Variants in TMEM132D observed in about 807,000 individuals in gnomAD.
TMEM132D encodes the protein transmembrane protein 132D, also known as mature OL transmembrane protein.
A neutral mutation model predicts 62.3 loss-of-function variants in TMEM132D; 21 were observed. The observed-to-expected ratio is 0.34, with a 90% confidence interval of 0.24 to 0.49. TMEM132D has a LOEUF of 0.49. Ranked by LOEUF, TMEM132D falls within the 20% of genes least tolerant of loss-of-function variation. TMEM132D has a pLI of 0.99. For synonymous variants in TMEM132D, 621 were observed against 575.6 expected (o/e 1.08, Z -1.13); for missense variants, 1,346 against 1,402.8 (o/e 0.96, Z 0.65).
intron 2 of TMEM132D, among the ~76,000 whole-genome samples, chr12:129,556,620 T>C (rs1593064901): frequency 6.6e-6 from 1 of 152,208 alleles, no homozygotes. Context: ...ACTTGGAGCT[T>C]TTTTATACCT....
rs11610692 is a variant in TMEM132D, at chr12:129,156,676, G to A, written c.1443+52844C>T. 5.7e-3 allele frequency among the ~76,000 whole-genome samples: 866 copies of A among 151,274 alleles called. 4 individuals carry two copies. Among genetic ancestry groups the A allele is most frequent in the Non-Finnish European group, 8.7e-3 (593 of 67,848 alleles). ...CTCCTGTGATACCGAATCCACTCACGAGATAAATAACACTCCCGAGACAAC... is the reference window on the plus strand; with the variant it reads ...CTCCTGTGATACCGAATCCACTCACAAGATAAATAACACTCCCGAGACAAC... On this transcript the variant is annotated intron_variant, in intron 5 of 8. Coordinates refer to ENST00000422113, the MANE Select transcript of TMEM132D (RefSeq NM_133448.3).
intron 4 of TMEM132D, among the ~76,000 whole-genome samples, chr12:129,330,663 T>G (rs1472304640): frequency 6.6e-6 from 1 of 152,212 alleles, no homozygotes; most frequent in Non-Finnish European, 1.5e-5. Context: ...TGCGACACCC[T>G]GCTCTACCTC....
At chr12:129,529,737 C>T (rs1359595917) in intron 3 of TMEM132D, among the ~76,000 whole-genome samples, 1 of 152,200 alleles carries the variant, frequency 6.6e-6, no homozygotes, top group East Asian at 1.9e-4. Flanking sequence ...ATCCATTTGC[C>T]CATCAATCTA....
intron 3 of TMEM132D, among the ~76,000 whole-genome samples, chr12:129,451,093 G>A (rs1294450143): frequency 6.6e-6 from 1 of 152,044 alleles, no homozygotes; most frequent in African/African-American, 2.4e-5. Context: ...GGCCTCCTTG[G>A]GCTCTGGAAG....
intron 5 of TMEM132D, among the ~76,000 whole-genome samples, chr12:129,130,574 C>A (rs1260704327): frequency 1.3e-5 from 2 of 152,130 alleles, no homozygotes; most frequent in East Asian, 3.9e-4. Flanking sequence ...AACAAAAAGT[C>A]TTTTTCCAAT....
intron 3 of TMEM132D, among the ~76,000 whole-genome samples, chr12:129,476,461 T>C (rs1874258632): frequency 6.6e-6 from 1 of 152,228 alleles, no homozygotes; most frequent in Non-Finnish European, 1.5e-5. Context: ...TCTGACATTG[T>C]TGGTGCCCCA....
chr12:129,901,109 T>C (rs1875338139), intron 1 of TMEM132D, among the ~76,000 whole-genome samples: 1 of 152,234 alleles, frequency 6.6e-6, no homozygotes, highest in African/African-American at 2.4e-5. Context: ...AGATATTTAA[T>C]ACTTGATAAT....
chr12:129,394,174 G>A (rs76556715), intron 3 of TMEM132D, among the ~76,000 whole-genome samples: 5,666 of 152,226 alleles, frequency 0.037, 134 homozygotes, highest in South Asian at 0.1. Flanking sequence ...CCTCAGTGAT[G>A]GGTGGGAAAA....
At chr12:129,227,438 GGTT>G (rs1291677216) in intron 4 of TMEM132D, among the ~76,000 whole-genome samples, 1 of 148,906 alleles carries the variant, frequency 6.7e-6, no homozygotes, top group Non-Finnish European at 1.5e-5. Context: ...CCACATAATG[GGTT>G]GTACATCCTT....
At chr12:129,554,375 T>G (rs1315500031) in intron 2 of TMEM132D, among the ~76,000 whole-genome samples, 1 of 152,142 alleles carries the variant, frequency 6.6e-6, no homozygotes. Flanking sequence ...CATGCAAGCA[T>G]GGCCTAGGAT....
intron 4 of TMEM132D, among the ~76,000 whole-genome samples, chr12:129,252,395 C>T (rs1312769764): frequency 2.6e-5 from 4 of 152,090 alleles, no homozygotes; most frequent in Non-Finnish European, 5.9e-5. Context: ...GAGTTTTGCT[C>T]CTCAAGGTTC....
At chr12:129,170,065 C>T (rs929776444) in intron 5 of TMEM132D, 3 of 152,234 alleles carry the variant, frequency 2.0e-5, no homozygotes, top group African/African-American at 4.8e-5. Context: ...ACGGCCAGGG[C>T]TTAATTGGGT....
intron 1 of TMEM132D, among the ~76,000 whole-genome samples, chr12:129,859,388 T>G (rs1873818795): frequency 6.6e-6 from 1 of 152,358 alleles, no homozygotes; most frequent in African/African-American, 2.4e-5. Context: ...TCAAAATGAT[T>G]AAGACAGTGT....
At chr12:129,507,635 A>G (rs920752716) in intron 3 of TMEM132D, among the ~76,000 whole-genome samples, 21 of 152,196 alleles carry the variant, frequency 1.4e-4, no homozygotes, top group African/African-American at 3.1e-4. Context: ...TATGTTCTCA[A>G]TCATAAACAG....
At chr12:129,891,326 C>T (rs1171083958) in intron 1 of TMEM132D, among the ~76,000 whole-genome samples, 1 of 152,202 alleles carries the variant, frequency 6.6e-6, no homozygotes, top group Non-Finnish European at 1.5e-5. Context: ...GCCAACTCAT[C>T]TCGGGGCAAA....
At chr12:129,542,797 TC>T (rs1876619283) in intron 2 of TMEM132D, among the ~76,000 whole-genome samples, 1 of 152,148 alleles carries the variant, frequency 6.6e-6, no homozygotes, top group South Asian at 2.1e-4. Flanking sequence ...ACAACAATGG[TC>T]CCATAAGATT....
chr12:129,840,384 G>C (rs1444900294), intron 1 of TMEM132D: 4 of 152,140 alleles, frequency 2.6e-5, no homozygotes, highest in African/African-American at 4.8e-5. Context: ...CTGGCACCCA[G>C]GGTTAAATTC....
In TMEM132D at chr12:129,081,784, T is replaced by C. The variant is rs2135615796; in HGVS notation, c.1898A>G (p.Gln633Arg). The change falls in exon 7 of 9, where the codon CAG becomes CGG. Residue 633 changes from glutamine to arginine, a missense_variant. Physicochemically the swap from Gln to Arg is conservative, Grantham distance 43. Coordinates refer to ENST00000422113, the MANE Select transcript of TMEM132D (RefSeq NM_133448.3). ...CTGAATGGTGGTCATCCCAAGCTCC[T>C]GCCCCATCAGGATCTGTCCGCCTTG... ...KLQGGQILMG[Q>R]ELGMTTIQIL... 1.2e-6 allele frequency: 2 copies of C among 1,611,802 alleles called. No homozygotes were observed. The highest frequency in any genetic ancestry group is 1.7e-6 in the Non-Finnish European group (2 of 1,179,126).
At chr12:129,670,911 G>C (rs996792660) in intron 2 of TMEM132D, among the ~76,000 whole-genome samples, 1 of 152,158 alleles carries the variant, frequency 6.6e-6, no homozygotes, top group African/African-American at 2.4e-5. Flanking sequence ...AGAGAAAGCA[G>C]GGAGGATATA....
Sources: allele counts gnomAD v4.1 joint callset (sites outside exome capture counted in the v4.1 genomes callset), GRCh38; gene constraint gnomAD v4.1.1; transcripts MANE v1.5; gene names NCBI Gene and HGNC (gene_info 2026-07-23, HGNC 2026-07-21).